PDE10A: variants seen among roughly 807,000 people sequenced by gnomAD.
The protein encoded by PDE10A is cAMP and cAMP-inhibited cGMP 3',5'-cyclic phosphodiesterase 10A.
Under a neutral mutation model 97.7 loss-of-function variants are expected in PDE10A, and 39 were observed. The ratio of observed to expected loss-of-function variants is 0.40; its 90% CI spans 0.31 to 0.52. PDE10A has a LOEUF of 0.52. PDE10A is among the 20% of genes least tolerant of loss of function. The pLI, the probability that PDE10A is intolerant of heterozygous loss-of-function variation, is 0.56. For missense variants in PDE10A, 731 were observed against 1,047.8 expected, an observed-to-expected ratio of 0.70 and a Z score of 4.17; for synonymous variants, 371 against 376.8, an observed-to-expected ratio of 0.98 and a Z score of 0.18.
At chr6:165,885,260 G>A (rs1051252856) in intron 1 of PDE10A, among the ~76,000 whole-genome samples, 4 of 152,186 alleles carry the variant, frequency 2.6e-5, no homozygotes, top group African/African-American at 9.7e-5. Flanking sequence ...AGTTCTGCAC[G>A]GCAGAGGAGG....
At chr6:165,775,011 A>G (rs1452835339) in intron 1 of PDE10A, 1 of 151,930 alleles carries the variant, frequency 6.6e-6, no homozygotes, top group African/African-American at 2.4e-5. Flanking sequence ...TTGGAAGAGA[A>G]CCATCAGGAC....
At chr6:165,561,768 T>C (rs1306316601) in intron 1 of PDE10A, among the ~76,000 whole-genome samples, 2 of 152,170 alleles carry the variant, frequency 1.3e-5, no homozygotes. Context: ...AAGTTCATGA[T>C]TGAAAGCACA....
At chr6:165,342,183 A>T (rs897366636) in intron 19 of PDE10A, among the ~76,000 whole-genome samples, 31 of 152,048 alleles carry the variant, frequency 2.0e-4, no homozygotes, top group African/African-American at 7.2e-4. Flanking sequence ...GCATACTTAA[A>T]TTTTTTATAT....
chr6:165,399,471 G>A (rs1457862638), intron 13 of PDE10A, among the ~76,000 whole-genome samples: 1 of 152,182 alleles, frequency 6.6e-6, no homozygotes, highest in Non-Finnish European at 1.5e-5. Flanking sequence ...TAGGGTACAT[G>A]TGCACAACGT....
rs111210788 is a variant in PDE10A at position 165,619,454 on chromosome 6, G to C, written c.865+42493C>G. On this transcript the variant is annotated intron_variant, in intron 1 of 21. Transcript: ENST00000539869. ...ATAGTGTAGTGTAGTATAGTCTAGTGTAGTGTAGTCTAGTGTAGTGTAGTC... is the reference window on the plus strand; with the variant it reads ...ATAGTGTAGTGTAGTATAGTCTAGTCTAGTGTAGTCTAGTGTAGTGTAGTC... 5.2e-3 allele frequency among the ~76,000 whole-genome samples: 14 copies of C among 2,718 alleles called. 2 individuals are homozygous for C. The highest frequency in any genetic ancestry group is 0.016 in the African/African-American group (7 of 430). The allele number at this position is 2,718 out of a possible 152,430, so 1.8% of individuals were successfully genotyped here. A position where few individuals can be genotyped will look rare whatever the true frequency, so the allele number is the denominator to read the frequency against.
chr6:165,598,560 C>A (rs1047347367), intron 1 of PDE10A, among the ~76,000 whole-genome samples: 10 of 152,060 alleles, frequency 6.6e-5, no homozygotes, highest in African/African-American at 2.2e-4. Context: ...TGGACTTATC[C>A]TAAGGCTCAG....
chr6:165,952,843 A>G (rs1356679945), intron 1 of PDE10A, among the ~76,000 whole-genome samples: 2 of 105,164 alleles, frequency 1.9e-5, no homozygotes, highest in Non-Finnish European at 4.0e-5. Context: ...TCAGCCACTT[A>G]TTATTTTTAT....
At chr6:165,340,484 C>A (rs1318801397) in intron 19 of PDE10A, among the ~76,000 whole-genome samples, 1 of 152,202 alleles carries the variant, frequency 6.6e-6, no homozygotes, top group Non-Finnish European at 1.5e-5. Flanking sequence ...CCATTGTTAC[C>A]ACTTTAAATT....
At chr6:165,336,301 T>G in intron 20 of PDE10A, 90 bp from the exon 21 acceptor site, 1 of 848,906 alleles carries the variant, frequency 1.2e-6, no homozygotes, top group Non-Finnish European at 1.9e-6. Context: ...CTGTTCTGTT[T>G]CTGAGGCCTA....
At chr6:165,336,308 C>T (rs1781643474) in intron 20 of PDE10A, 97 bp from the exon 21 acceptor site, 3 of 808,974 alleles carry the variant, frequency 3.7e-6, no homozygotes, top group Non-Finnish European at 6.2e-6. Context: ...GTTTCTGAGG[C>T]CTAATTATAA....
intron 3 of PDE10A, among the ~76,000 whole-genome samples, chr6:165,452,908 A>AAAAAACAGC (rs1305651901): frequency 5.3e-5 from 8 of 152,014 alleles, no homozygotes; most frequent in Non-Finnish European, 1.0e-4. Flanking sequence ...TTAGAAAAAA[A>AAAAAACAGC]AAAAACAGCT....
At chr6:165,870,781 A>C (rs1197166969) in intron 1 of PDE10A, among the ~76,000 whole-genome samples, 1 of 152,224 alleles carries the variant, frequency 6.6e-6, no homozygotes, top group Non-Finnish European at 1.5e-5. Flanking sequence ...CCATAAAAAA[A>C]CAAAATCTTG....
At chr6:165,930,911 G>A (rs1173445271) in intron 1 of PDE10A, among the ~76,000 whole-genome samples, 2 of 152,226 alleles carry the variant, frequency 1.3e-5, no homozygotes. Context: ...TGGAACATGG[G>A]AAGCCACCGT....
At chr6:165,520,558 G>A (rs1396692189) in intron 2 of PDE10A, among the ~76,000 whole-genome samples, 2 of 152,098 alleles carry the variant, frequency 1.3e-5, no homozygotes, top group African/African-American at 2.4e-5. Context: ...GGAGAGTAGA[G>A]CCCACAGATT....
At chr6:165,566,406 G>A (rs755542586) in intron 1 of PDE10A, among the ~76,000 whole-genome samples, 1 of 152,086 alleles carries the variant, frequency 6.6e-6, no homozygotes, top group Non-Finnish European at 1.5e-5. Context: ...CCAAAATCCA[G>A]AACACTGACA....
At chr6:165,595,415 A>C (rs1354953907) in intron 1 of PDE10A, among the ~76,000 whole-genome samples, 1 of 152,262 alleles carries the variant, frequency 6.6e-6, no homozygotes, top group African/African-American at 2.4e-5. Context: ...CCTGTAGAAC[A>C]ATCAAAATTA....
intron 1 of PDE10A, among the ~76,000 whole-genome samples, chr6:165,840,107 C>T (rs945859273): frequency 5.2e-4 from 72 of 137,516 alleles, no homozygotes; most frequent in African/African-American, 1.9e-3. Context: ...TTCCCATCTC[C>T]ACCTTCATCC....
At chr6:165,647,726 T>C (rs912099158) in intron 1 of PDE10A, among the ~76,000 whole-genome samples, 2 of 152,214 alleles carry the variant, frequency 1.3e-5, no homozygotes, top group Non-Finnish European at 2.9e-5. Context: ...GCAGCCTTTC[T>C]CTTCCTTTCC....
intron 1 of PDE10A, among the ~76,000 whole-genome samples, chr6:165,792,885 G>T (rs1006938104): frequency 1.3e-5 from 2 of 152,134 alleles, no homozygotes; most frequent in East Asian, 1.9e-4. Flanking sequence ...TATTTTCTCT[G>T]CTGGGACTCT....
Sources: gnomAD v4.1 joint callset for allele counts (sites outside exome capture counted in the v4.1 genomes callset) on GRCh38, gnomAD v4.1.1 for gene constraint, MANE v1.5 for transcripts, NCBI Gene and HGNC (gene_info 2026-07-23, HGNC 2026-07-21) for gene names.